Variants in NEGR1 observed in about 807,000 individuals in gnomAD.
The protein encoded by NEGR1 is neuronal growth regulator 1.
In NEGR1, 10 loss-of-function variants were observed where a neutral mutation model predicts 40.9. The ratio of observed to expected loss-of-function variants is 0.24; its 90% CI spans 0.15 to 0.42. The LOEUF (loss-of-function observed/expected upper bound fraction) is 0.42. Ranked by LOEUF, NEGR1 falls within the 10% of genes least tolerant of loss-of-function variation. The probability of loss-of-function intolerance (pLI) is 1.00; values close to 1 mark genes in which losing one functional copy is unlikely to be tolerated. For synonymous variants in NEGR1, 185 were observed against 166.8 expected (o/e 1.11, Z -0.84); for missense variants, 352 against 438.9 (o/e 0.80, Z 1.77).
intron 6 of NEGR1, among the ~76,000 whole-genome samples, chr1:71,443,052 C>G (rs936149565): frequency 6.6e-6 from 1 of 152,140 alleles, no homozygotes; most frequent in Admixed American, 6.6e-5. Context: ...AATATTTGTT[C>G]ACCTTGAACC....
intron 1 of NEGR1, among the ~76,000 whole-genome samples, chr1:72,282,113 G>C (rs1656277572): frequency 6.6e-6 from 1 of 152,166 alleles, no homozygotes; most frequent in Non-Finnish European, 1.5e-5. Flanking sequence ...AAGTGCTTTA[G>C]CATCACGAGT....
chr1:71,742,574 T>C (rs1655249423), intron 3 of NEGR1, among the ~76,000 whole-genome samples: 1 of 152,146 alleles, frequency 6.6e-6, no homozygotes, highest in African/African-American at 2.4e-5. Context: ...TTCTTTCCCA[T>C]TTCTCACTTT....
chr1:71,487,145 A>G (rs1646892915), intron 6 of NEGR1: 1 of 151,716 alleles, frequency 6.6e-6, no homozygotes, highest in Non-Finnish European at 1.5e-5. Context: ...TTAAAAGACC[A>G]CATCACATTT....
At chr1:72,038,852 C>A (rs1646927518) in intron 1 of NEGR1, among the ~76,000 whole-genome samples, 1 of 151,938 alleles carries the variant, frequency 6.6e-6, no homozygotes, top group Non-Finnish European at 1.5e-5. Context: ...TAAGGTATCA[C>A]CATTCAGGTA....
intron 2 of NEGR1, among the ~76,000 whole-genome samples, chr1:71,856,129 G>A (rs1253808092): frequency 6.6e-6 from 1 of 152,020 alleles, no homozygotes; most frequent in Non-Finnish European, 1.5e-5. Flanking sequence ...TCAAAATATG[G>A]AGGCCAAAAT....
At chr1:72,016,265 CT>C (rs1646709727) in intron 1 of NEGR1, among the ~76,000 whole-genome samples, 1 of 151,954 alleles carries the variant, frequency 6.6e-6, no homozygotes, top group South Asian at 2.1e-4. Context: ...ACCTATCATC[CT>C]TTACAAGGAA....
intron 1 of NEGR1, among the ~76,000 whole-genome samples, chr1:71,977,770 A>AT (rs1386332155): frequency 7.8e-6 from 1 of 128,368 alleles, no homozygotes; most frequent in East Asian, 2.3e-4. Context: ...GAAAAGTAGA[A>AT]GTCAAAAAAA....
intron 1 of NEGR1, among the ~76,000 whole-genome samples, chr1:72,053,850 G>A (rs1049179152): frequency 2.1e-5 from 3 of 140,554 alleles, no homozygotes; most frequent in Admixed American, 1.4e-4. Context: ...TCTCAAAAAC[G>A]AACACTTTTT....
chr1:72,241,579 C>A (rs956246796), intron 1 of NEGR1, among the ~76,000 whole-genome samples: 1 of 151,648 alleles, frequency 6.6e-6, no homozygotes, highest in Admixed American at 6.6e-5. Flanking sequence ...TACACAGTAA[C>A]TGTGACTAAT....
intron 1 of NEGR1, among the ~76,000 whole-genome samples, chr1:72,186,665 T>A (rs1448643276): frequency 6.6e-6 from 1 of 151,664 alleles, no homozygotes; most frequent in Non-Finnish European, 1.5e-5. Flanking sequence ...ACTATTAAAA[T>A]CTGGTCTCAA....
chr1:71,700,097 G>A (rs76876699), intron 3 of NEGR1, among the ~76,000 whole-genome samples: 5,164 of 151,910 alleles, frequency 0.034, 248 homozygotes, highest in African/African-American at 0.11. Flanking sequence ...GTTAGAGAAG[G>A]TAGATCAATT....
intron 4 of NEGR1, among the ~76,000 whole-genome samples, chr1:71,640,149 T>C (rs1651301506): frequency 6.6e-6 from 1 of 152,068 alleles, no homozygotes; most frequent in African/African-American, 2.4e-5. Flanking sequence ...CAGTTTCCGG[T>C]ATGGGTTATC....
chr1:72,078,639 T>TATATATA (rs568891295), intron 1 of NEGR1, among the ~76,000 whole-genome samples: 5 of 123,600 alleles, frequency 4.0e-5, no homozygotes, highest in African/African-American at 1.5e-4. Context: ...ATATATATAT[T>TATATATA]TATTTATTTT....
chr1:71,725,362 C>T (rs1654636033), intron 3 of NEGR1, among the ~76,000 whole-genome samples: 1 of 152,132 alleles, frequency 6.6e-6, no homozygotes, highest in South Asian at 2.1e-4. Context: ...TGTTATAGAA[C>T]CCACACCTTG....
chr1:71,712,545 G>T (rs1570246636), intron 3 of NEGR1, among the ~76,000 whole-genome samples: 1 of 152,270 alleles, frequency 6.6e-6, no homozygotes, highest in East Asian at 1.9e-4. Flanking sequence ...TCTGGCCAGA[G>T]AATATAACTT....
At chr1:71,460,234 A>T (rs1032360171) in intron 6 of NEGR1, among the ~76,000 whole-genome samples, 3 of 152,180 alleles carry the variant, frequency 2.0e-5, no homozygotes, top group Admixed American at 6.5e-5. Flanking sequence ...CTGTGGTGGG[A>T]TAGTGTTGTT....
intron 1 of NEGR1, among the ~76,000 whole-genome samples, chr1:72,205,756 C>CAAAAAAAA (rs35490878): frequency 1.3e-3 from 39 of 30,882 alleles, no homozygotes; most frequent in Middle Eastern, 0.021. Context: ...CCCATTTCTA[C>CAAAAAAAA]AAAAAAAAAA....
intron 1 of NEGR1, among the ~76,000 whole-genome samples, chr1:71,965,885 T>C (rs1175228096): frequency 2.0e-5 from 3 of 152,154 alleles, no homozygotes; most frequent in Admixed American, 6.6e-5. Context: ...AATCATTTAG[T>C]AAGTTTAGAC....
At chr1:72,271,561 C>T (rs886829168) in intron 1 of NEGR1, among the ~76,000 whole-genome samples, 4 of 151,962 alleles carry the variant, frequency 2.6e-5, no homozygotes, top group South Asian at 4.1e-4. Flanking sequence ...TATAAAGCTG[C>T]TATCTATGTT....
Sources: gnomAD v4.1 joint callset for allele counts (sites outside exome capture counted in the v4.1 genomes callset) on GRCh38, gnomAD v4.1.1 for gene constraint, MANE v1.5 for transcripts, NCBI Gene and HGNC (gene_info 2026-07-23, HGNC 2026-07-21) for gene names.